Variants in MARK2 observed in about 807,000 individuals in gnomAD.
The protein encoded by MARK2 is microtubule affinity regulating kinase 2.
MARK2 carries 16 observed loss-of-function variants against 89.8 expected under a neutral mutation model. The ratio of observed to expected loss-of-function variants is 0.18; its 90% CI spans 0.12 to 0.27. The LOEUF (loss-of-function observed/expected upper bound fraction) is 0.27. Among genes scored for constraint, MARK2 ranks in the 10% least tolerant of loss-of-function variants. The pLI, the probability that MARK2 is intolerant of heterozygous loss-of-function variation, is 1.00. For synonymous variants in MARK2, 382 were observed against 399.5 expected, an observed-to-expected ratio of 0.96 and a Z score of 0.52; for missense variants, 621 against 1,049.9, an observed-to-expected ratio of 0.59 and a Z score of 5.65.
intron 1 of MARK2, among the ~76,000 whole-genome samples, chr11:63,873,801 A>G (rs1035337027): frequency 2.0e-5 from 3 of 152,066 alleles, no homozygotes; most frequent in Admixed American, 6.5e-5. Flanking sequence ...ATGCGCCACC[A>G]CGCCCAGCTA....
At chr11:63,892,538 C>A (rs1400327673) in intron 1 of MARK2, among the ~76,000 whole-genome samples, 1 of 152,102 alleles carries the variant, frequency 6.6e-6, no homozygotes, top group Non-Finnish European at 1.5e-5. Context: ...AGAACTTTCA[C>A]TCACACTCCT....
At chr11:63,870,017 G>A (rs891028820) in intron 1 of MARK2, among the ~76,000 whole-genome samples, 4 of 152,214 alleles carry the variant, frequency 2.6e-5, no homozygotes, top group East Asian at 1.9e-4. Flanking sequence ...AATTGTTTGC[G>A]CAGAGCTGGG....
At chr11:63,865,066 CTT>C (rs1429444719) in intron 1 of MARK2, among the ~76,000 whole-genome samples, 1 of 148,968 alleles carries the variant, frequency 6.7e-6, no homozygotes. Context: ...ATTTTTTGCA[CTT>C]TTTGTAGAGA....
chr11:63,909,458 T>A lies in MARK2; in HGVS notation c.*221T>A. 2.2e-6 allele frequency: 1 copy of A among 445,478 alleles called. No homozygotes were observed. The allele number at this position is 445,478 out of a possible 1,614,324, so 27.6% of individuals were successfully genotyped here. Reference sequence around the variant, plus strand: ...TCACCCCTGCCCAGAGATTCCCCCTTCTCCTCTCCCCTACTGGAGGCAAAG... The same window carrying A: ...TCACCCCTGCCCAGAGATTCCCCCTACTCCTCTCCCCTACTGGAGGCAAAG... On this transcript the variant is annotated 3_prime_UTR_variant, in exon 19 of 19. Transcript: ENST00000402010.
At chr11:63,901,368 C>A (rs1940848361) in intron 11 of MARK2, among the ~76,000 whole-genome samples, 1 of 145,180 alleles carries the variant, frequency 6.9e-6, no homozygotes, top group African/African-American at 2.6e-5. Flanking sequence ...AGCACTACTA[C>A]ATTGATCTAG....
chr11:63,893,761 C>T (rs1171544870), intron 1 of MARK2, among the ~76,000 whole-genome samples: 2 of 152,134 alleles, frequency 1.3e-5, no homozygotes, highest in African/African-American at 2.4e-5. Context: ...AAATTCTACA[C>T]GTAACCCCAT....
chr11:63,843,634 T>C (rs2135190892), intron 1 of MARK2, among the ~76,000 whole-genome samples: 1 of 151,512 alleles, frequency 6.6e-6, no homozygotes, highest in Middle Eastern at 3.4e-3. Context: ...TAAAACTCTT[T>C]TTTTTTTTGA....
chr11:63,840,092 T>G (rs1211005099), intron 1 of MARK2, among the ~76,000 whole-genome samples: 3 of 152,156 alleles, frequency 2.0e-5, no homozygotes. Context: ...CCCAGCTTTT[T>G]CTACCCTGCT....
At chr11:63,855,677 C>A (rs1045144130) in intron 1 of MARK2, among the ~76,000 whole-genome samples, 1 of 152,164 alleles carries the variant, frequency 6.6e-6, no homozygotes, top group Non-Finnish European at 1.5e-5. Flanking sequence ...TCCTCAGTAT[C>A]TGAAAGGCTG....
At chr11:63,848,959 G>A (rs1232460781) in intron 1 of MARK2, among the ~76,000 whole-genome samples, 5 of 151,912 alleles carry the variant, frequency 3.3e-5, no homozygotes, top group African/African-American at 9.7e-5. Context: ...CGCCCGCCTC[G>A]GCTTCCCAAA....
intron 16 of MARK2, among the ~76,000 whole-genome samples, chr11:63,905,358 C>T (rs910943559): frequency 2.6e-5 from 4 of 152,322 alleles, no homozygotes; most frequent in East Asian, 1.9e-4. Context: ...CCCCTTCTCT[C>T]CTGGGTTCCC....
Position 63,895,262 on chromosome 11 carries a change from A to G in MARK2, c.158A>G (p.Tyr53Cys). 6.2e-7 allele frequency: 1 copy of G among 1,614,104 alleles called. No individual in the cohort carries two copies. Among genetic ancestry groups the G allele is most frequent in the Non-Finnish European group, 8.5e-7 (1 of 1,180,004 alleles). The change falls in exon 2 of 19, where the codon TAC (tyrosine) becomes TGC (cysteine). Residue 53 changes from tyrosine (Y) to cysteine (C), a missense_variant. Physicochemically the swap from Tyr to Cys is radical, Grantham distance 194. Coordinates refer to ENST00000402010, the MANE Select transcript of MARK2 (RefSeq NM_001039469.3). ...SADEQPHIGN[Y>C]RLLKTIGKGN... ...GATGAGCAGCCCCACATTGGAAACT[A>G]CCGGCTCCTCAAGACCATTGGCAAG...
chr11:63,878,172 C>T (rs1938880344), intron 1 of MARK2, among the ~76,000 whole-genome samples: 1 of 152,158 alleles, frequency 6.6e-6, no homozygotes, highest in South Asian at 2.1e-4. Context: ...CTTTTCTCCT[C>T]TAGCTGGAAG....
At chr11:63,906,003 C>A in intron 16 of MARK2, 85 bp from the exon 17 acceptor site, 1 of 1,171,418 alleles carries the variant, frequency 8.5e-7, no homozygotes. Context: ...AAGCCACCTC[C>A]CCCACCTGCT....
chr11:63,861,928 T>C (rs1379154658), intron 1 of MARK2, among the ~76,000 whole-genome samples: 40 of 142,630 alleles, frequency 2.8e-4, no homozygotes, highest in African/African-American at 9.6e-4. Flanking sequence ...TTCTTTCTTT[T>C]TTTTTTTTTT....
intron 1 of MARK2, among the ~76,000 whole-genome samples, chr11:63,883,390 C>T (rs1252436619): frequency 6.6e-6 from 1 of 152,122 alleles, no homozygotes; most frequent in African/African-American, 2.4e-5. Context: ...ACCAGGATGA[C>T]AGGAATCAAC....
chr11:63,903,430 C>CA lies in MARK2; in HGVS notation c.1514+273dup, dbSNP rs1941064654. ...GCTCGCTTCTTGACCACGGCCAGGG[C>CA]ATGGCAGCTGCCCTCCTCTAGACAT... On this transcript the variant is annotated intron_variant, in intron 14 of 18. Transcript: ENST00000402010. The surrounding 1 kb of genome is among the most constrained non-coding windows in gnomAD (Gnocchi z 5.1). 4.2e-6 allele frequency: 2 copies of CA among 476,262 alleles called. No individual in the cohort carries two copies. The highest frequency in any genetic ancestry group is 6.7e-5 in the Admixed American group (2 of 29,652). The allele number at this position is 476,262 out of a possible 1,614,324, so 29.5% of individuals were successfully genotyped here. A position where few individuals can be genotyped will look rare whatever the true frequency, so the allele number is the denominator to read the frequency against.
Position 63,899,869 on chromosome 11 carries a change from C to T in MARK2, c.532-5C>T. The T allele has an allele frequency of 1.9e-6, 3 of 1,606,046 alleles. No individual in the cohort carries two copies. Among genetic ancestry groups the T allele is most frequent in the Non-Finnish European group, 2.6e-6 (3 of 1,172,860 alleles). ...TTCCCTGATGTTTTCCATCTTACCT[C>T]CCAGGCAGAAAACCTGCTCTTGGAT... On this transcript the variant is annotated splice_region_variant and splice_polypyrimidine_tract_variant and intron_variant, in intron 7 of 18. Transcript: ENST00000402010.
intron 1 of MARK2, among the ~76,000 whole-genome samples, chr11:63,872,893 A>AC (rs1938539419): frequency 3.8e-5 from 1 of 26,476 alleles, no homozygotes; most frequent in East Asian, 1.7e-3. Context: ...CCCTGCCCCC[A>AC]CCCCCACCCC....
Sources: allele counts gnomAD v4.1 joint callset (sites outside exome capture counted in the v4.1 genomes callset), GRCh38; gene constraint gnomAD v4.1.1; non-coding constraint Gnocchi (gnomAD v3.1); transcripts MANE v1.5; gene names NCBI Gene and HGNC (gene_info 2026-07-23, HGNC 2026-07-21).